TLL2: variants seen among roughly 807,000 people sequenced by gnomAD.
TLL2 encodes tolloid like 2, also known as tolloid-like protein 2.
Under a neutral mutation model 123.0 loss-of-function variants are expected in TLL2, and 106 were observed. The ratio of observed to expected loss-of-function variants is 0.86; its 90% CI spans 0.74 to 1.01. The LOEUF (loss-of-function observed/expected upper bound fraction) is 1.01, where lower values mean the gene tolerates loss of function less well. TLL2 is among the 50% of genes least tolerant of loss of function. The pLI is 0.00. For missense variants in TLL2, 1,332 were observed against 1,336.7 expected, an observed-to-expected ratio of 1.00 and a Z score of 0.06; for synonymous variants, 494 against 516.8, an observed-to-expected ratio of 0.96 and a Z score of 0.60.
intron 13 of TLL2, among the ~76,000 whole-genome samples, chr10:96,388,399 T>C (rs1846257405): frequency 6.6e-6 from 1 of 152,164 alleles, no homozygotes; most frequent in Admixed American, 6.5e-5. Flanking sequence ...AGACTCTGTC[T>C]CAACAACAAC....
At chr10:96,473,058 A>G (rs1028177204) in intron 2 of TLL2, among the ~76,000 whole-genome samples, 11 of 151,542 alleles carry the variant, frequency 7.3e-5, no homozygotes, top group Admixed American at 1.3e-4. Flanking sequence ...GCCCCCCCCA[A>G]TCAGATGGGA....
intron 13 of TLL2, among the ~76,000 whole-genome samples, chr10:96,387,283 G>A (rs1205572940): frequency 6.6e-6 from 1 of 152,224 alleles, no homozygotes; most frequent in Non-Finnish European, 1.5e-5. Context: ...ACACGAGCAG[G>A]AACACCTTGT....
chr10:96,476,897 C>CAT (rs1268723496), intron 2 of TLL2, among the ~76,000 whole-genome samples: 16 of 148,480 alleles, frequency 1.1e-4, no homozygotes, highest in African/African-American at 3.0e-4. Context: ...CACACACACA[C>CAT]GCAAACATGC....
rs1316278096 is a variant in TLL2, at chr10:96,413,308, A to G, written c.932T>C (p.Phe311Ser). 1 of 1,613,848 alleles carries G rather than the reference A, an allele frequency of 6.2e-7. No individual in the cohort carries two copies. The highest frequency in any genetic ancestry group is 1.1e-5 in the South Asian group (1 of 91,066). ...TTGACGGGGAAGGATGGTGTCTAAGAAAACTCCTCTACAGGAAGGAAAAAA... is the reference window on the plus strand; with the variant it reads ...TTGACGGGGAAGGATGGTGTCTAAGGAAACTCCTCTACAGGAAGGAAAAAA... ...YARNTFSRGV[F>S]LDTILPRQDD... The change falls in exon 8 of 21, where the codon TTC becomes TCC. Residue 311 changes from phenylalanine to serine, a missense_variant. Coordinates refer to ENST00000357947, the MANE Select transcript of TLL2 (RefSeq NM_012465.4).
intron 7 of TLL2, among the ~76,000 whole-genome samples, chr10:96,416,339 C>G (rs539001421): frequency 6.6e-6 from 1 of 152,354 alleles, no homozygotes; most frequent in Non-Finnish European, 1.5e-5. Flanking sequence ...TGTTCTTGCA[C>G]TTACTCATCA....
At position 96,387,019 on chromosome 10, in the gene TLL2, G is replaced by A; in HGVS notation, c.1786C>T (p.Leu596=). The A allele has an allele frequency of 6.2e-7, 1 of 1,614,090 alleles. No homozygotes were observed. The highest frequency in any genetic ancestry group is 1.1e-5 in the South Asian group (1 of 91,080). Residue 596 remains leucine, a synonymous_variant, in exon 14 of 21, where the codon CTG becomes TTG. Coordinates refer to ENST00000357947, the MANE Select transcript of TLL2 (RefSeq NM_012465.4). ...GGCEHRCVNT[L]GSYKCACDPG... ...TCACAGGCACACTTGTAGCTGCCCAGCGTGTTCACACAGCGATGCTCGCAC... is the reference window on the plus strand; with the variant it reads ...TCACAGGCACACTTGTAGCTGCCCAACGTGTTCACACAGCGATGCTCGCAC...
At chr10:96,412,748 C>T (rs57404542) in intron 8 of TLL2, among the ~76,000 whole-genome samples, 1,824 of 152,310 alleles carry the variant, frequency 0.012, 42 homozygotes, top group African/African-American at 0.042. Flanking sequence ...AAACTGACTT[C>T]CATCCTCCCA....
intron 2 of TLL2, among the ~76,000 whole-genome samples, chr10:96,457,887 C>T (rs1465220665): frequency 6.6e-6 from 1 of 152,220 alleles, no homozygotes; most frequent in Non-Finnish European, 1.5e-5. Flanking sequence ...CATTTGTTTC[C>T]TTCATGCCCA....
At chr10:96,449,368 A>T (rs1436954878) in intron 2 of TLL2, among the ~76,000 whole-genome samples, 1 of 152,218 alleles carries the variant, frequency 6.6e-6, no homozygotes, top group Non-Finnish European at 1.5e-5. Context: ...GATACAAGGC[A>T]TTGCCCATCC....
intron 2 of TLL2, among the ~76,000 whole-genome samples, chr10:96,466,414 C>T (rs569598738): frequency 7.8e-4 from 118 of 152,204 alleles, no homozygotes; most frequent in Non-Finnish European, 1.3e-3. Context: ...TAAACAGCTC[C>T]GGCAGAAATG....
chr10:96,395,448 A>G, intron 12 of TLL2, 66 bp from the exon 13 acceptor site: 2 of 1,463,334 alleles, frequency 1.4e-6, no homozygotes, highest in South Asian at 2.8e-5. Context: ...TGATTTAAGA[A>G]GAGAACCCAA....
chr10:96,375,112 C>T (rs1429847447), intron 18 of TLL2, among the ~76,000 whole-genome samples: 2 of 152,082 alleles, frequency 1.3e-5, no homozygotes, highest in Non-Finnish European at 2.9e-5. Flanking sequence ...AGCTCTCCCG[C>T]CAGTGACATA....
chr10:96,488,457 A>G (rs559075069), intron 1 of TLL2, among the ~76,000 whole-genome samples: 1 of 152,274 alleles, frequency 6.6e-6, no homozygotes, highest in East Asian at 1.9e-4. Flanking sequence ...GGGCTCCCAC[A>G]CTGCGGTCCT....
intron 1 of TLL2, among the ~76,000 whole-genome samples, chr10:96,488,102 G>A (rs1295601119): frequency 3.9e-5 from 6 of 152,282 alleles, no homozygotes; most frequent in East Asian, 1.9e-4. Context: ...GGGTTGTTGC[G>A]AGCATCAGCT....
chr10:96,389,250 T>C (rs1170098135), intron 13 of TLL2, among the ~76,000 whole-genome samples: 4 of 152,148 alleles, frequency 2.6e-5, no homozygotes, highest in African/African-American at 7.2e-5. Context: ...AGAATGATAA[T>C]ATTTACTTTT....
chr10:96,393,308 G>A (rs183368083), intron 13 of TLL2, among the ~76,000 whole-genome samples: 93 of 152,340 alleles, frequency 6.1e-4, no homozygotes, highest in African/African-American at 2.1e-3. Context: ...AGAAATTGTC[G>A]CATCGGTTTT....
intron 1 of TLL2, among the ~76,000 whole-genome samples, chr10:96,484,590 T>TACACACACACAC (rs56286214): frequency 1.4e-5 from 2 of 145,912 alleles, no homozygotes; most frequent in African/African-American, 5.1e-5. Context: ...TACACATAAG[T>TACACACACACAC]ACACACACAC....
At chr10:96,497,021 C>T (rs1847483471) in intron 1 of TLL2, among the ~76,000 whole-genome samples, 1 of 152,150 alleles carries the variant, frequency 6.6e-6, no homozygotes, top group Non-Finnish European at 1.5e-5. Flanking sequence ...TGGCTCATGC[C>T]TGTAATCCCA....
chr10:96,383,639 G>A (rs547147710), intron 16 of TLL2, among the ~76,000 whole-genome samples: 20 of 151,844 alleles, frequency 1.3e-4, no homozygotes, highest in South Asian at 1.0e-3. Context: ...TTTTTGCCCC[G>A]AGATGGAGTC....
Sources: allele counts gnomAD v4.1 joint callset (sites outside exome capture counted in the v4.1 genomes callset), GRCh38; gene constraint gnomAD v4.1.1; transcripts MANE v1.5; gene names NCBI Gene and HGNC (gene_info 2026-07-23, HGNC 2026-07-21).